Variants in FANCC observed in about 807,000 individuals in gnomAD.
FANCC encodes the protein FA complementation group C, also known as Fanconi anemia group C protein.
FANCC carries 55 observed loss-of-function variants against 71.3 expected under a neutral mutation model. The ratio of observed to expected loss-of-function variants is 0.77; its 90% CI spans 0.62 to 0.97. The LOEUF (loss-of-function observed/expected upper bound fraction) is 0.97, where lower values mean the gene tolerates loss of function less well. Among genes scored for constraint, FANCC ranks in the 50% least tolerant of loss-of-function variants. The probability of loss-of-function intolerance (pLI) is 0.00; values close to 1 mark genes in which losing one functional copy is unlikely to be tolerated. For missense variants in FANCC, 678 were observed against 670.9 expected (o/e 1.01, Z -0.12); for synonymous variants, 275 against 244.9 (o/e 1.12, Z -1.15).
At chr9:95,181,668 T>C (rs1826376723) in intron 4 of FANCC, among the ~76,000 whole-genome samples, 1 of 152,168 alleles carries the variant, frequency 6.6e-6, no homozygotes, top group African/African-American at 2.4e-5. Flanking sequence ...AATGAACAGG[T>C]TCAGACATAA....
At chr9:95,114,793 A>T (rs1171905352) in intron 11 of FANCC, 83 bp from the exon 12 acceptor site, 6 of 1,147,740 alleles carry the variant, frequency 5.2e-6, no homozygotes, top group Non-Finnish European at 7.9e-6. Context: ...TGACCTGAAG[A>T]GTCTTTGGGA....
intron 4 of FANCC, among the ~76,000 whole-genome samples, chr9:95,202,848 C>G (rs912222779): frequency 2.0e-5 from 3 of 152,090 alleles, no homozygotes; most frequent in Non-Finnish European, 4.4e-5. Flanking sequence ...CAAGTATACA[C>G]AAGAATGATG....
intron 14 of FANCC, among the ~76,000 whole-genome samples, chr9:95,105,705 C>T (rs2071391120): frequency 6.6e-6 from 1 of 152,204 alleles, no homozygotes; most frequent in Admixed American, 6.5e-5. Context: ...TTGACTCTTC[C>T]AGGTGCCTCA....
At chr9:95,244,940 G>A (rs1830872700) in intron 3 of FANCC, among the ~76,000 whole-genome samples, 2 of 151,970 alleles carry the variant, frequency 1.3e-5, no homozygotes, top group Admixed American at 1.3e-4. Flanking sequence ...TATCTACCCT[G>A]CAACACTGTC....
At chr9:95,269,104 A>G (rs569220722) in intron 1 of FANCC, among the ~76,000 whole-genome samples, 70 of 152,326 alleles carry the variant, frequency 4.6e-4, no homozygotes, top group African/African-American at 1.6e-3. Flanking sequence ...CTCCTGAAAA[A>G]GAAGCAGCAT....
chr9:95,203,707 A>AT (rs1299847436), intron 4 of FANCC, among the ~76,000 whole-genome samples: 1 of 152,204 alleles, frequency 6.6e-6, no homozygotes, highest in Non-Finnish European at 1.5e-5. Context: ...TAACAAAAAT[A>AT]TTATTTATGA....
At chr9:95,160,335 T>A (rs1830672053) in intron 6 of FANCC, among the ~76,000 whole-genome samples, 1 of 152,174 alleles carries the variant, frequency 6.6e-6, no homozygotes, top group Admixed American at 6.5e-5. Flanking sequence ...ATTGGATGGC[T>A]GTAGATGTGT....
At position 95,297,464 on chromosome 9, in the gene FANCC, TAGA is replaced by T. The variant is rs1381360135; in HGVS notation, c.-79+20059_-79+20061del. ...AAGGTTTTCAGGAAACCCGCTTTCT[TAGA>T]AGGAGATACAGATGCCCACAACTTC... On this transcript the variant is annotated intron_variant, in intron 1 of 14. Coordinates refer to ENST00000289081, the MANE Select transcript of FANCC (RefSeq NM_000136.3). 2.0e-5 allele frequency among the ~76,000 whole-genome samples: 3 copies of T among 152,194 alleles called. No individual in the cohort carries two copies. In the East Asian group the frequency reaches 5.8e-4, roughly 29 times the overall value.
chr9:95,284,881 C>T (rs10821457), intron 1 of FANCC, among the ~76,000 whole-genome samples: 10 of 98,434 alleles, frequency 1.0e-4, no homozygotes, highest in East Asian at 3.9e-4. Context: ...CACACATACA[C>T]ACACACACAC....
At chr9:95,154,756 C>T (rs1289999058) in intron 6 of FANCC, among the ~76,000 whole-genome samples, 2 of 152,072 alleles carry the variant, frequency 1.3e-5, no homozygotes, top group Non-Finnish European at 2.9e-5. Context: ...TGCTTCAGCT[C>T]TAATTGAAAC....
At chr9:95,171,978 T>C (rs1292205454) in intron 5 of FANCC, 59 bp downstream of exon 5, 8 of 1,030,934 alleles carry the variant, frequency 7.8e-6, no homozygotes, top group Non-Finnish European at 1.2e-5. Flanking sequence ...ATTTACTCTT[T>C]TTGCTGATGG....
intron 13 of FANCC, among the ~76,000 whole-genome samples, chr9:95,109,207 C>T (rs1391542866): frequency 1.3e-5 from 2 of 152,180 alleles, no homozygotes; most frequent in African/African-American, 2.4e-5. Context: ...CCACCACACC[C>T]GTCCAAGAGC....
chr9:95,248,510 A>C (rs1831134388), intron 2 of FANCC, among the ~76,000 whole-genome samples: 1 of 152,238 alleles, frequency 6.6e-6, no homozygotes, highest in Non-Finnish European at 1.5e-5. Context: ...GAAAAGCTTA[A>C]CACAAGAACA....
intron 4 of FANCC, among the ~76,000 whole-genome samples, chr9:95,181,159 TTGTGTGTGTGTGTGTGTG>T (rs10692344): frequency 6.7e-6 from 1 of 148,344 alleles, no homozygotes; most frequent in Non-Finnish European, 1.5e-5. Flanking sequence ...CACGTACACA[TTGTGTGTGTGTGTGTGTG>T]TGTGTGTGTG....
intron 6 of FANCC, among the ~76,000 whole-genome samples, chr9:95,155,661 C>A (rs961958348): frequency 2.0e-5 from 3 of 152,060 alleles, no homozygotes; most frequent in African/African-American, 7.2e-5. Context: ...TTTTTAAAGT[C>A]TCCTGGACCA....
chr9:95,221,655 A>C (rs1399948035), intron 4 of FANCC, among the ~76,000 whole-genome samples: 2 of 152,228 alleles, frequency 1.3e-5, no homozygotes, highest in Non-Finnish European at 2.9e-5. Flanking sequence ...AGTATCTGGA[A>C]TATAAAGGGT....
chr9:95,242,989 T>TGGAAA (rs1830725653), intron 3 of FANCC, among the ~76,000 whole-genome samples: 1 of 152,076 alleles, frequency 6.6e-6, no homozygotes, highest in African/African-American at 2.4e-5. Flanking sequence ...TAAAACTGAG[T>TGGAAA]GGAAAGGAAA....
chr9:95,177,036 G>C (rs1475796264), intron 4 of FANCC, among the ~76,000 whole-genome samples: 2 of 152,208 alleles, frequency 1.3e-5, no homozygotes, highest in African/African-American at 4.8e-5. Flanking sequence ...GCCACAAATA[G>C]TTCCCTAGAT....
intron 1 of FANCC, among the ~76,000 whole-genome samples, chr9:95,304,390 A>G (rs941925874): frequency 3.3e-5 from 5 of 152,152 alleles, no homozygotes; most frequent in South Asian, 2.1e-4. Context: ...TTCTCAAAAT[A>G]TAACATTTTT....
Sources: gnomAD v4.1 joint callset for allele counts (sites outside exome capture counted in the v4.1 genomes callset) on GRCh38, gnomAD v4.1.1 for gene constraint, MANE v1.5 for transcripts, NCBI Gene and HGNC (gene_info 2026-07-23, HGNC 2026-07-21) for gene names.